The following DLGAP1 variants were observed in gnomAD, a reference collection of about 807,000 sequenced individuals.
The protein encoded by DLGAP1 is DLG associated protein 1.
A neutral mutation model predicts 90.8 loss-of-function variants in DLGAP1; 11 were observed. The ratio of observed to expected loss-of-function variants is 0.12; its 90% CI spans 0.08 to 0.20. The LOEUF is 0.20. Among genes scored for constraint, DLGAP1 ranks in the 10% least tolerant of loss-of-function variants. DLGAP1 has a pLI of 1.00. For synonymous variants in DLGAP1, 558 were observed against 540.7 expected (o/e 1.03, Z -0.44); for missense variants, 1,050 against 1,333.8 (o/e 0.79, Z 3.31).
chr18:4,225,386 C>T (rs1039330703), intron 1 of DLGAP1, among the ~76,000 whole-genome samples: 1 of 151,990 alleles, frequency 6.6e-6, no homozygotes, highest in African/African-American at 2.4e-5. Context: ...CTCTTCTATG[C>T]CCAGACACTG....
At chr18:4,399,542 A>G (rs918640752) in intron 1 of DLGAP1, among the ~76,000 whole-genome samples, 1 of 152,214 alleles carries the variant, frequency 6.6e-6, no homozygotes, top group African/African-American at 2.4e-5. Flanking sequence ...GCTGATGTCA[A>G]GTGTTATTTT....
chr18:3,643,435 G>A lies in DLGAP1; in HGVS notation c.1592-61187C>T, dbSNP rs568974807. 9.9e-5 allele frequency among the ~76,000 whole-genome samples: 15 copies of A among 152,154 alleles called. No homozygotes were observed. The East Asian group carries it at 2.7e-3, about 27-fold the overall frequency. On this transcript the variant is annotated intron_variant, in intron 7 of 12. Transcript: ENST00000315677. ...TCCTAGCACTTTGGGAGGCAGAGAC[G>A]GGCGGATCACGAGGTCAGGAGATCG...
chr18:4,266,433 T>G (rs988059371), intron 1 of DLGAP1, among the ~76,000 whole-genome samples: 2 of 152,220 alleles, frequency 1.3e-5, no homozygotes, highest in Admixed American at 6.5e-5. Context: ...GAACTCCTAG[T>G]GGGCTAAATC....
intron 4 of DLGAP1, among the ~76,000 whole-genome samples, chr18:3,835,060 C>T (rs2068289862): frequency 6.6e-6 from 1 of 152,092 alleles, no homozygotes; most frequent in South Asian, 2.1e-4. Context: ...ATTTTATATT[C>T]AAAGTTAAGA....
rs376828240 is a variant in DLGAP1, at chr18:4,224,336, G to A, written c.-266-73049C>T. On this transcript the variant is annotated intron_variant, in intron 1 of 12. Transcript: ENST00000315677. ...CTTCTTGAGAAAAGCAGAAACAAGA[G>A]TAAAGAAAACAGACTAGGTATCAGT... 3.3e-5 allele frequency among the ~76,000 whole-genome samples: 5 copies of A among 152,228 alleles called. No homozygotes were observed. The South Asian group carries it at 6.2e-4, about 19-fold the overall frequency.
chr18:4,109,157 C>T (rs2075924475), intron 2 of DLGAP1, among the ~76,000 whole-genome samples: 1 of 118,696 alleles, frequency 8.4e-6, no homozygotes, highest in Non-Finnish European at 1.8e-5. Context: ...CTGGTGCCAT[C>T]CGCAACTGGC....
At position 3,912,060 on chromosome 18, in the gene DLGAP1, C is replaced by T. The variant is rs78943843; in HGVS notation, c.-72-31920G>A. ...GATATGTGCTGAAGTTTTGAAACTG[C>T]TGATGTATGGTATTTAATGCCCCAA... On this transcript the variant is annotated intron_variant, in intron 3 of 12. Coordinates refer to ENST00000315677, the MANE Select transcript of DLGAP1 (RefSeq NM_004746.4). Among the ~76,000 whole-genome samples the T allele has an allele frequency of 5.7e-3, 871 of 152,212 alleles. 8 individuals are homozygous for T. The highest frequency in any genetic ancestry group is 0.02 in the African/African-American group (810 of 41,500).
In DLGAP1 at chr18:3,867,895, A is replaced by G. The variant is rs138470956; in HGVS notation, c.957+11217T>C. ...TGTTCAGTTCATGAGATCTTCTGGC[A>G]TGAAATAAAATGTTTCTTTTTCCAT... is the stretch of plus-strand genomic sequence containing the variant. On this transcript the variant is annotated intron_variant, in intron 4 of 12. Transcript: ENST00000315677. 3.5e-3 allele frequency among the ~76,000 whole-genome samples: 532 copies of G among 152,338 alleles called. 4 individuals are homozygous for G. The highest frequency in any genetic ancestry group is 0.012 in the African/African-American group (496 of 41,564).
rs2064670269 is a variant in DLGAP1, at chr18:3,772,350, T to TTCTTTCTTTCTC, written c.1173-29839_1173-29838insGAGAAAGAAAGA. Reference sequence around the variant, plus strand: ...TCTCTCCTTCTCTCTCTCTCTCTCTTTCTTTCTTTCTTTCTTTCTTTCTTT... The same window carrying TTCTTTCTTTCTC: ...TCTCTCCTTCTCTCTCTCTCTCTCTTTCTTTCTTTCTCTCTTTCTTTCTTTCTTTCTTTCTTT... On this transcript the variant is annotated intron_variant, in intron 5 of 12. Transcript: ENST00000315677. Among the ~76,000 whole-genome samples, 4 of 2,022 alleles carry TTCTTTCTTTCTC rather than the reference T, an allele frequency of 2.0e-3. 1 individual carries two copies. The highest frequency in any genetic ancestry group is 5.2e-3 in the African/African-American group (4 of 762). The allele number at this position is 2,022 out of a possible 152,430, so 1.3% of individuals were successfully genotyped here.
At chr18:3,949,802 T>C (rs1389708282) in intron 3 of DLGAP1, among the ~76,000 whole-genome samples, 2 of 152,162 alleles carry the variant, frequency 1.3e-5, no homozygotes. Flanking sequence ...ATAATATGGG[T>C]GAGATGTTAG....
chr18:4,099,693 CT>C, intron 2 of DLGAP1, among the ~76,000 whole-genome samples: 1 of 143,242 alleles, frequency 7.0e-6, no homozygotes, highest in Admixed American at 6.9e-5. Flanking sequence ...AATTTCTTTT[CT>C]TTTTTTACTT....
intron 4 of DLGAP1, chr18:3,845,600 T>C (rs1483645396): frequency 1.2e-5 from 12 of 985,340 alleles, no homozygotes; most frequent in Non-Finnish European, 1.3e-5. Flanking sequence ...CAAAATCATA[T>C]TGCTATCTTT....
At position 3,594,804 on chromosome 18, in the gene DLGAP1, G is replaced by A. The variant is rs74354984; in HGVS notation, c.1592-12556C>T. Among the ~76,000 whole-genome samples the A allele has an allele frequency of 5.5e-3, 833 of 152,286 alleles. 5 individuals carry two copies. Among genetic ancestry groups the A allele is most frequent in the Non-Finnish European group, 8.6e-3 (584 of 68,012 alleles). On this transcript the variant is annotated intron_variant, in intron 7 of 12. Transcript: ENST00000315677. ...GGGTGGATGGCAGTGAGGATAAACA[G>A]CCCAGAAACAGGATTCCTGCAGGGT...
In DLGAP1 at chr18:3,871,701, A is replaced by G. The variant is rs74363335; in HGVS notation, c.957+7411T>C. Reference sequence around the variant, plus strand: ...GTAATGAATTTTCCAACGTCTATGAAAAATCTGTTTCTCCACTTCATAGTC... The same window carrying G: ...GTAATGAATTTTCCAACGTCTATGAGAAATCTGTTTCTCCACTTCATAGTC... On this transcript the variant is annotated intron_variant, in intron 4 of 12. Transcript: ENST00000315677. 3.9e-4 allele frequency among the ~76,000 whole-genome samples: 59 copies of G among 152,314 alleles called. 2 individuals are homozygous for G. The East Asian group carries it at 0.01, about 27-fold the overall frequency.
intron 4 of DLGAP1, among the ~76,000 whole-genome samples, chr18:3,829,579 C>A (rs2067920758): frequency 6.6e-6 from 1 of 152,072 alleles, no homozygotes; most frequent in Non-Finnish European, 1.5e-5. Context: ...TTAGAGATGA[C>A]TGTGGTGAGT....
At position 3,515,533 on chromosome 18, in the gene DLGAP1, C is replaced by T. The variant is rs181590922; in HGVS notation, c.2480-6872G>A. Among the ~76,000 whole-genome samples, 545 of 150,994 alleles carry T rather than the reference C, an allele frequency of 3.6e-3. 4 individuals are homozygous for T. The highest frequency in any genetic ancestry group is 0.013 in the African/African-American group (514 of 41,100). On this transcript the variant is annotated intron_variant, in intron 10 of 12. Transcript: ENST00000315677. ...GTGGCTCACGCCTGTAATCCCAGCA[C>T]TTTGGGAGGCCAAGATAGGAGGATT...
chr18:4,178,739 T>G lies in DLGAP1; in HGVS notation c.-266-27452A>C, dbSNP rs543351836. Among the ~76,000 whole-genome samples, 25 of 152,262 alleles carry G rather than the reference T, an allele frequency of 1.6e-4. No individual in the cohort carries two copies. In the East Asian group the frequency reaches 4.8e-3, roughly 29 times the overall value. On this transcript the variant is annotated intron_variant, in intron 1 of 12. Coordinates refer to ENST00000315677, the MANE Select transcript of DLGAP1 (RefSeq NM_004746.4). ...TTCCAAGAGCTTTTTCCAAGAATCT[T>G]AAAATATACAGAGCTTGATAAATCT... is the stretch of plus-strand genomic sequence containing the variant.
At chr18:4,386,949 G>A (rs1282961142) in intron 1 of DLGAP1, among the ~76,000 whole-genome samples, 1 of 152,198 alleles carries the variant, frequency 6.6e-6, no homozygotes, top group African/African-American at 2.4e-5. Context: ...TGGGGTGAAA[G>A]AGAAATGTGG....
At chr18:3,932,549 C>T (rs766923208) in intron 3 of DLGAP1, among the ~76,000 whole-genome samples, 4 of 152,198 alleles carry the variant, frequency 2.6e-5, no homozygotes, top group African/African-American at 7.2e-5. Context: ...GTGCTTCCCA[C>T]GTGGCCAAAG....
Sources: gnomAD v4.1 joint callset for allele counts (sites outside exome capture counted in the v4.1 genomes callset) on GRCh38, gnomAD v4.1.1 for gene constraint, MANE v1.5 for transcripts, NCBI Gene and HGNC (gene_info 2026-07-23, HGNC 2026-07-21) for gene names.